SLC35F4: variants seen among roughly 807,000 people sequenced by gnomAD.
SLC35F4 encodes the protein chromosome 14 open reading frame 36.
In SLC35F4, 24 loss-of-function variants were observed where a neutral mutation model predicts 44.2. The ratio of observed to expected loss-of-function variants is 0.54; its 90% CI spans 0.39 to 0.76. SLC35F4 has a LOEUF of 0.76. Ranked by LOEUF, SLC35F4 falls within the 30% of genes least tolerant of loss-of-function variation. The probability of loss-of-function intolerance (pLI) is 0.00; values close to 1 mark genes in which losing one functional copy is unlikely to be tolerated. For missense variants in SLC35F4, 562 were observed against 586.1 expected (o/e 0.96, Z 0.42); for synonymous variants, 238 against 223.6 (o/e 1.06, Z -0.57).
intron 1 of SLC35F4, among the ~76,000 whole-genome samples, chr14:57,944,039 C>T (rs1163475799): frequency 6.6e-6 from 1 of 152,018 alleles, no homozygotes; most frequent in Non-Finnish European, 1.5e-5. Flanking sequence ...CAACTCAACC[C>T]CCTCCCCAAA....
chr14:57,674,971 C>A (rs1333579139), intron 1 of SLC35F4, among the ~76,000 whole-genome samples: 1 of 152,124 alleles, frequency 6.6e-6, no homozygotes, highest in Non-Finnish European at 1.5e-5. Context: ...GAGTCTGGAA[C>A]AAAGGCTGTA....
downstream of SLC35F4, among the ~76,000 whole-genome samples, chr14:57,972,930 AG>A (rs1193015464): frequency 6.6e-6 from 1 of 152,246 alleles, no homozygotes; most frequent in Non-Finnish European, 1.5e-5. Context: ...GCTCACTGTG[AG>A]TTCCTTTACT....
intron 1 of SLC35F4, among the ~76,000 whole-genome samples, chr14:57,724,001 G>C (rs2076145878): frequency 6.6e-6 from 1 of 152,194 alleles, no homozygotes; most frequent in Non-Finnish European, 1.5e-5. Flanking sequence ...TTCTTCTAAA[G>C]GATAAGTTGT....
At chr14:57,955,487 A>G (rs2141083795) in intron 1 of SLC35F4, among the ~76,000 whole-genome samples, 1 of 152,326 alleles carries the variant, frequency 6.6e-6, no homozygotes, top group South Asian at 2.1e-4. Flanking sequence ...ATAGGAAGAG[A>G]GGAAGTCAAA....
chr14:57,613,939 A>G (rs573596053), intron 1 of SLC35F4, among the ~76,000 whole-genome samples: 15 of 152,366 alleles, frequency 9.8e-5, no homozygotes, highest in African/African-American at 3.4e-4. Context: ...TATTTGCAGA[A>G]CATTATAACC....
chr14:57,919,300 C>T (rs1336686634), intron 1 of SLC35F4, among the ~76,000 whole-genome samples: 1 of 152,228 alleles, frequency 6.6e-6, no homozygotes, highest in African/African-American at 2.4e-5. Context: ...GGATTACACT[C>T]ATGGCCCAAG....
rs138300694 is a variant in SLC35F4, at chr14:57,885,392, C to T, written n.282+96521G>A. 4.3e-3 allele frequency among the ~76,000 whole-genome samples: 657 copies of T among 152,216 alleles called. 4 individuals are homozygous for T. Among genetic ancestry groups the T allele is most frequent in the Non-Finnish European group, 6.0e-3 (405 of 67,992 alleles). Reference sequence around the variant, plus strand: ...AGTGTCTGGCACAGAATAAGTGCAGCGCAAGTGTTCAATATTATTGTTGAT... The same window carrying T: ...AGTGTCTGGCACAGAATAAGTGCAGTGCAAGTGTTCAATATTATTGTTGAT... On this transcript the variant is annotated intron_variant and non_coding_transcript_variant, in intron 1 of 1. Transcript: ENST00000556568.
intron 1 of SLC35F4, among the ~76,000 whole-genome samples, chr14:57,694,822 A>G (rs528658102): frequency 9.2e-5 from 14 of 152,176 alleles, no homozygotes; most frequent in African/African-American, 3.4e-4. Flanking sequence ...TCAATTTTTA[A>G]ACTTTCTGTT....
At chr14:57,946,469 C>CTTTTTTTTTTTTTT (rs71104596) in intron 1 of SLC35F4, among the ~76,000 whole-genome samples, 2 of 78,214 alleles carry the variant, frequency 2.6e-5, no homozygotes, top group Non-Finnish European at 4.7e-5. Context: ...GTTTTCTTTT[C>CTTTTTTTTTTTTTT]TTTTTTTTTT....
intron 1 of SLC35F4, among the ~76,000 whole-genome samples, chr14:57,776,823 C>T (rs1330029472): frequency 6.6e-6 from 1 of 152,046 alleles, no homozygotes; most frequent in African/African-American, 2.4e-5. Context: ...AAAATAAATT[C>T]CAACCAAGGA....
chr14:57,879,206 G>C (rs1461230790), intron 1 of SLC35F4, among the ~76,000 whole-genome samples: 3 of 152,104 alleles, frequency 2.0e-5, no homozygotes, highest in Non-Finnish European at 4.4e-5. Context: ...ACTTGGCATT[G>C]CACTTTTCAA....
intron 1 of SLC35F4, among the ~76,000 whole-genome samples, chr14:57,744,155 G>A (rs542689050): frequency 3.9e-5 from 6 of 152,150 alleles, no homozygotes; most frequent in Non-Finnish European, 7.3e-5. Flanking sequence ...CATTCCCTTT[G>A]AAAACTGGCA....
chr14:57,624,988 T>C (rs2072400562), intron 1 of SLC35F4, among the ~76,000 whole-genome samples: 1 of 152,116 alleles, frequency 6.6e-6, no homozygotes, highest in Non-Finnish European at 1.5e-5. Flanking sequence ...TAAATGGTAT[T>C]CCAATAGAAA....
chr14:57,581,485 G>T, intron 3 of SLC35F4, 52 bp from the exon 4 acceptor site: 1 of 1,492,440 alleles, frequency 6.7e-7, no homozygotes, highest in East Asian at 2.4e-5. Flanking sequence ...GACACCTCTT[G>T]TCTTATCTGA....
At chr14:57,936,519 C>T (rs1021811871) in intron 1 of SLC35F4, among the ~76,000 whole-genome samples, 1 of 152,308 alleles carries the variant, frequency 6.6e-6, no homozygotes. Context: ...TCTCTCTCCC[C>T]CCAGGGAACT....
At chr14:57,592,661 G>A (rs1029717547) in intron 2 of SLC35F4, among the ~76,000 whole-genome samples, 5 of 152,092 alleles carry the variant, frequency 3.3e-5, no homozygotes, top group African/African-American at 7.2e-5. Flanking sequence ...TAGCCTTGGG[G>A]TTCACACAGT....
chr14:57,910,342 A>G (rs1092209), intron 1 of SLC35F4, among the ~76,000 whole-genome samples: 76,615 of 151,822 alleles, frequency 0.5, 19,649 homozygotes, highest in East Asian at 0.71. Flanking sequence ...CATGTATCAT[A>G]CCTATGGTGT....
At chr14:57,957,217 C>T (rs1158984383) in intron 1 of SLC35F4, among the ~76,000 whole-genome samples, 7 of 152,032 alleles carry the variant, frequency 4.6e-5, no homozygotes, top group Non-Finnish European at 1.0e-4. Context: ...CATGTTCTCA[C>T]TCATAAGTGG....
intron 2 of SLC35F4, among the ~76,000 whole-genome samples, chr14:57,592,005 T>C (rs2070217724): frequency 6.6e-6 from 1 of 152,230 alleles, no homozygotes; most frequent in Admixed American, 6.5e-5. Flanking sequence ...GTTAACTAGA[T>C]TGATTGTTGC....
Sources: allele counts gnomAD v4.1 joint callset (sites outside exome capture counted in the v4.1 genomes callset), GRCh38; gene constraint gnomAD v4.1.1; transcripts MANE v1.5; gene names NCBI Gene and HGNC (gene_info 2026-07-23, HGNC 2026-07-21).